Variants in IGHMBP2 observed in about 807,000 individuals in gnomAD.
The protein encoded by IGHMBP2 is immunoglobulin mu DNA binding protein 2, also known as DNA-binding protein SMUBP-2.
Under a neutral mutation model 96.0 loss-of-function variants are expected in IGHMBP2, and 81 were observed. That is an observed-to-expected ratio of 0.84 (90% CI 0.71 to 1.01). The LOEUF (loss-of-function observed/expected upper bound fraction) is 1.01, where lower values mean the gene tolerates loss of function less well. Among genes scored for constraint, IGHMBP2 ranks in the 50% least tolerant of loss-of-function variants. IGHMBP2 has a pLI of 0.00. For missense variants in IGHMBP2, 1,227 were observed against 1,306.3 expected (o/e 0.94, Z 0.94); for synonymous variants, 557 against 548.9 (o/e 1.01, Z -0.21).
rs75125623 is a variant in IGHMBP2 at position 68,919,979 on chromosome 11, A to T, written c.1060+2096A>T. Reference sequence around the variant, plus strand: ...TCTGTAGTACAGTAGCATTAATTGTATGCATGTTGTTGTACAGCAGATCTC... The same window carrying T: ...TCTGTAGTACAGTAGCATTAATTGTTTGCATGTTGTTGTACAGCAGATCTC... On this transcript the variant is annotated intron_variant, in intron 7 of 14. Coordinates refer to ENST00000255078, the MANE Select transcript of IGHMBP2 (RefSeq NM_002180.3). Among the ~76,000 whole-genome samples, 48 of 152,278 alleles carry T rather than the reference A, an allele frequency of 3.2e-4. No homozygotes were observed. The East Asian group carries it at 7.3e-3, about 23-fold the overall frequency.
intron 6 of IGHMBP2, among the ~76,000 whole-genome samples, chr11:68,917,302 G>A (rs575547488): frequency 3.2e-4 from 48 of 152,190 alleles, no homozygotes; most frequent in Middle Eastern, 3.4e-3. Context: ...AGATATTAAA[G>A]TAAGTTGAGG....
chr11:68,910,888 A>G (rs1246628724), intron 4 of IGHMBP2, among the ~76,000 whole-genome samples: 1 of 152,102 alleles, frequency 6.6e-6, no homozygotes, highest in Non-Finnish European at 1.5e-5. Flanking sequence ...TCTCAAAAAA[A>G]AAAAAAAAAA....
At chr11:68,929,500 C>T (rs1435758361) in intron 8 of IGHMBP2, 143 bp downstream of exon 8, 1 of 811,710 alleles carries the variant, frequency 1.2e-6, no homozygotes, top group Non-Finnish European at 1.9e-6. Context: ...CGTCTTACAG[C>T]ATTCATTCAT....
chr11:68,914,233 G>A (rs1430074516), intron 5 of IGHMBP2, among the ~76,000 whole-genome samples: 7 of 151,890 alleles, frequency 4.6e-5, no homozygotes, highest in African/African-American at 1.7e-4. Context: ...GGACTATTGA[G>A]CCGGTTTCTC....
intron 4 of IGHMBP2, among the ~76,000 whole-genome samples, chr11:68,909,794 A>C (rs1013149510): frequency 9.9e-5 from 15 of 151,700 alleles, no homozygotes; most frequent in African/African-American, 3.6e-4. Flanking sequence ...TGCCCGGCTA[A>C]TTTTTGTATT....
rs1048103838 is a variant in IGHMBP2, at chr11:68,939,970, G to T, written c.*239G>T. ...CTCGTGCAGGTGGGGCTTGGGAAAT[G>T]CACGTCCCTTCCCCTTACTCCCCGC... On this transcript the variant is annotated 3_prime_UTR_variant, in exon 15 of 15. Transcript: ENST00000255078. 1.2e-4 allele frequency: 66 copies of T among 566,928 alleles called. 2 individuals are homozygous for T. The South Asian group carries it at 1.4e-3, about 12-fold the overall frequency. 35.1% of individuals were successfully genotyped at this position (566,928 alleles called of 1,614,324 possible). A position where few individuals can be genotyped will look rare whatever the true frequency, so the allele number is the denominator to read the frequency against.
At chr11:68,908,051 A>C in intron 2 of IGHMBP2, 94 bp from the exon 3 acceptor site, 1 of 1,069,302 alleles carries the variant, frequency 9.4e-7, no homozygotes, top group East Asian at 2.4e-5. Context: ...AAAGTAACAA[A>C]GATAAAATAT....
intron 7 of IGHMBP2, among the ~76,000 whole-genome samples, chr11:68,927,905 G>C (rs1003806433): frequency 6.6e-6 from 1 of 152,210 alleles, no homozygotes; most frequent in East Asian, 1.9e-4. Context: ...AGGGTTTCAA[G>C]GCTGCCATAG....
intron 7 of IGHMBP2, among the ~76,000 whole-genome samples, chr11:68,921,361 G>T (rs1858870078): frequency 6.6e-6 from 1 of 152,030 alleles, no homozygotes; most frequent in South Asian, 2.1e-4. Context: ...GGCCACCTTG[G>T]TGCTGGGATT....
chr11:68,919,499 A>G (rs1858799850), intron 7 of IGHMBP2, among the ~76,000 whole-genome samples: 1 of 152,206 alleles, frequency 6.6e-6, no homozygotes, highest in Non-Finnish European at 1.5e-5. Flanking sequence ...CATGACTTGG[A>G]TAGTTCATCG....
At chr11:68,929,974 C>T (rs1594446941) in intron 8 of IGHMBP2, 7 of 1,011,438 alleles carry the variant, frequency 6.9e-6, no homozygotes, top group Non-Finnish European at 8.3e-6. Context: ...CCCGCCCCCC[C>T]AGCCCCCCTC....
chr11:68,917,675 A>G, intron 6 of IGHMBP2, 61 bp from the exon 7 acceptor site: 2 of 1,307,800 alleles, frequency 1.5e-6, no homozygotes, highest in Admixed American at 1.7e-5. Flanking sequence ...CTTCATAAAT[A>G]GAGTTGAAGA....
chr11:68,909,895 G>A (rs1418024567), intron 4 of IGHMBP2, among the ~76,000 whole-genome samples: 3 of 152,182 alleles, frequency 2.0e-5, no homozygotes, highest in African/African-American at 7.2e-5. Flanking sequence ...GCCTCCCAAA[G>A]TGCTGGGATT....
chr11:68,934,844 G>A (rs1250603020), intron 11 of IGHMBP2, among the ~76,000 whole-genome samples: 2 of 152,262 alleles, frequency 1.3e-5, no homozygotes, highest in African/African-American at 2.4e-5. Context: ...GGCTGACACA[G>A]TCCTTCCACG....
chr11:68,908,779 C>T (rs1345378832), intron 4 of IGHMBP2, 148 bp downstream of exon 4: 7 of 655,312 alleles, frequency 1.1e-5, no homozygotes, highest in South Asian at 1.7e-5. Context: ...TCTCGGAGGG[C>T]CTTGCATGAA....
chr11:68,938,459 T>A, intron 14 of IGHMBP2, 105 bp downstream of exon 14: 1 of 995,426 alleles, frequency 1.0e-6, no homozygotes, highest in South Asian at 1.6e-5. Flanking sequence ...AACAGTTAGC[T>A]CCTTACAATC....
Position 68,939,707 on chromosome 11 carries a change from C to CCGGAGGAAGGAGAGGGGGA in IGHMBP2, c.2961_2979dup (p.Ter994GlufsTer22), listed in dbSNP as rs1859680060. ...GTGAGCTCAGCAACCAGAGGACCAG[C>CCGGAGGAAGGAGAGGGGGA]CGGAGGAAGGAGAGGGGGACGTGAC... On this transcript the variant is annotated frameshift_variant, in exon 15 of 15. Coordinates refer to ENST00000255078, the MANE Select transcript of IGHMBP2 (RefSeq NM_002180.3). LOFTEE classifies it high-confidence loss of function. 6.2e-7 allele frequency: 1 copy of CCGGAGGAAGGAGAGGGGGA among 1,611,236 alleles called. No homozygotes were observed. The highest frequency in any genetic ancestry group is 2.2e-5 in the East Asian group (1 of 44,824).
chr11:68,905,102 T>C (rs1858137201), intron 1 of IGHMBP2, among the ~76,000 whole-genome samples: 1 of 152,204 alleles, frequency 6.6e-6, no homozygotes, highest in South Asian at 2.1e-4. Context: ...GGCCGCAGTG[T>C]AGGTTTCTGT....
intron 7 of IGHMBP2, among the ~76,000 whole-genome samples, chr11:68,919,240 TC>T (rs1566433600): frequency 2.9e-5 from 4 of 138,906 alleles, no homozygotes; most frequent in Non-Finnish European, 4.7e-5. Context: ...GCTCCTCTCC[TC>T]TCCTCTCCTC....
Sources: allele counts gnomAD v4.1 joint callset (sites outside exome capture counted in the v4.1 genomes callset), GRCh38; gene constraint gnomAD v4.1.1; transcripts MANE v1.5; gene names NCBI Gene and HGNC (gene_info 2026-07-23, HGNC 2026-07-21).